Variants in FBXO11 observed in about 807,000 individuals in gnomAD.
The protein encoded by FBXO11 is F-box only protein 11.
Under a neutral mutation model 117.0 loss-of-function variants are expected in FBXO11, and 13 were observed. The observed-to-expected ratio is 0.11, with a 90% confidence interval of 0.07 to 0.18. The LOEUF is 0.18. FBXO11 is among the 10% of genes least tolerant of loss of function. The pLI is 1.00. For missense variants in FBXO11, 767 were observed against 1,164.4 expected (o/e 0.66, Z 4.97); for synonymous variants, 490 against 380.5 (o/e 1.29, Z -3.35).
Position 47,812,505 on chromosome 2 carries a change from G to C in FBXO11, c.2227+729C>G, listed in dbSNP as rs1199761198. ...ATTTTGTGAAAACTATCTGAGATAC[G>C]TCACTTTACTGAATTACTAGATTAT... is the stretch of plus-strand genomic sequence containing the variant. On this transcript the variant is annotated intron_variant, in intron 18 of 22. Coordinates refer to ENST00000403359, the MANE Select transcript of FBXO11 (RefSeq NM_001190274.2). Among the ~76,000 whole-genome samples, 3 of 152,192 alleles carry C rather than the reference G, an allele frequency of 2.0e-5. No homozygotes were observed. In the East Asian group the frequency reaches 5.8e-4, roughly 29 times the overall value.
In FBXO11 at chr2:47,901,135, A is replaced by G. The variant is rs1252199331; in HGVS notation, c.232+4354T>C. ...TATGTACACACGTGTGTACATGTAT[A>G]TATATACACACGTGTGTACATATAT... On this transcript the variant is annotated intron_variant, in intron 1 of 22. Coordinates refer to ENST00000403359, the MANE Select transcript of FBXO11 (RefSeq NM_001190274.2). Among the ~76,000 whole-genome samples the G allele has an allele frequency of 6.9e-4, 76 of 110,926 alleles. 1 individual carries two copies. The highest frequency in any genetic ancestry group is 1.2e-3 in the Non-Finnish European group (57 of 45,934). The allele number at this position is 110,926 out of a possible 152,430, so 72.8% of individuals were successfully genotyped here.
chr2:47,813,880 T>C lies in FBXO11; in HGVS notation c.2007-13A>G, dbSNP rs768422185. On this transcript the variant is annotated splice_polypyrimidine_tract_variant and intron_variant, in intron 16 of 22. Coordinates refer to ENST00000403359, the MANE Select transcript of FBXO11 (RefSeq NM_001190274.2). ...GTTGCTTCCAGTCCTGTAAACAGAATAGACAATAATACCATTTCAATAGCT... is the reference window on the plus strand; with the variant it reads ...GTTGCTTCCAGTCCTGTAAACAGAACAGACAATAATACCATTTCAATAGCT... 6.3e-6 allele frequency: 10 copies of C among 1,585,636 alleles called. No individual in the cohort carries two copies. The Admixed American group carries it at 8.3e-5, about 13-fold the overall frequency.
At chr2:47,837,928 T>C (rs1193214581) in intron 4 of FBXO11, among the ~76,000 whole-genome samples, 2 of 151,844 alleles carry the variant, frequency 1.3e-5, no homozygotes, top group African/African-American at 2.4e-5. Context: ...ATTTTTTTCA[T>C]CTTATTAAAA....
At chr2:47,860,519 T>C (rs1674680013) in intron 1 of FBXO11, among the ~76,000 whole-genome samples, 1 of 151,454 alleles carries the variant, frequency 6.6e-6, no homozygotes, top group South Asian at 2.1e-4. Context: ...CAAGCAATTC[T>C]CCTGCCTTAG....
chr2:47,809,074 A>G, intron 21 of FBXO11, 84 bp downstream of exon 21: 1 of 829,766 alleles, frequency 1.2e-6, no homozygotes. Flanking sequence ...AACACCGGCA[A>G]ATAGCCAAAA....
At chr2:47,818,710 A>C (rs1291950901) in intron 16 of FBXO11, 69 bp downstream of exon 16, 1 of 1,059,524 alleles carries the variant, frequency 9.4e-7, no homozygotes, top group African/African-American at 1.6e-5. Context: ...ACAATAAGCA[A>C]ATTTCTTTTA....
chr2:47,883,506 G>T, intron 1 of FBXO11: 1 of 408,356 alleles, frequency 2.4e-6, no homozygotes. Context: ...CCTCCAGATT[G>T]AACCCTTGGA....
chr2:47,895,379 T>C (rs1189785156), intron 1 of FBXO11, among the ~76,000 whole-genome samples: 2 of 152,058 alleles, frequency 1.3e-5, no homozygotes, highest in South Asian at 2.1e-4. Context: ...ACAACAAATA[T>C]TAAGGGAGAA....
chr2:47,858,265 C>G (rs1674468052), intron 1 of FBXO11, among the ~76,000 whole-genome samples: 1 of 152,042 alleles, frequency 6.6e-6, no homozygotes, highest in Admixed American at 6.5e-5. Context: ...CCACCTCGGC[C>G]TCCCAAAGTG....
At chr2:47,891,627 A>G (rs1354334014) in intron 1 of FBXO11, among the ~76,000 whole-genome samples, 1 of 152,184 alleles carries the variant, frequency 6.6e-6, no homozygotes, top group African/African-American at 2.4e-5. Context: ...TTTCTTTTGA[A>G]TAAATACTTG....
chr2:47,878,519 G>A (rs1481308059), intron 1 of FBXO11, among the ~76,000 whole-genome samples: 3 of 151,940 alleles, frequency 2.0e-5, no homozygotes, highest in Admixed American at 2.0e-4. Flanking sequence ...ACTATGCCGG[G>A]CTAATTTTTG....
At chr2:47,835,775 G>T (rs1572812824) in intron 5 of FBXO11, 97 bp downstream of exon 5, 2 of 925,224 alleles carry the variant, frequency 2.2e-6, no homozygotes, top group East Asian at 3.2e-5. Flanking sequence ...TGGGATTACA[G>T]GTGTGAGCCA....
At chr2:47,858,590 G>A (rs746090985) in intron 1 of FBXO11, among the ~76,000 whole-genome samples, 6 of 147,206 alleles carry the variant, frequency 4.1e-5, no homozygotes, top group Non-Finnish European at 7.4e-5. Flanking sequence ...GCTGAGGCAG[G>A]AGAATCCCCT....
At chr2:47,817,395 T>C (rs1671079728) in intron 16 of FBXO11, among the ~76,000 whole-genome samples, 1 of 152,206 alleles carries the variant, frequency 6.6e-6, no homozygotes. Context: ...TTTGTTATTA[T>C]TTTATTTTGC....
At chr2:47,845,947 T>C (rs1325894236) in intron 1 of FBXO11, among the ~76,000 whole-genome samples, 2 of 151,288 alleles carry the variant, frequency 1.3e-5, no homozygotes, top group African/African-American at 4.9e-5. Flanking sequence ...AATCCACAAA[T>C]GCATTTACAT....
intron 1 of FBXO11, among the ~76,000 whole-genome samples, chr2:47,876,201 CT>C (rs1675993999): frequency 7.6e-6 from 1 of 131,224 alleles, no homozygotes; most frequent in Admixed American, 7.3e-5. Context: ...TTTTGTGCTA[CT>C]TTTTGGGAAC....
chr2:47,835,511 T>G (rs77024782), intron 5 of FBXO11, among the ~76,000 whole-genome samples: 2 of 152,118 alleles, frequency 1.3e-5, no homozygotes, highest in Non-Finnish European at 2.9e-5. Flanking sequence ...TTTTTTTTTT[T>G]CCCTGAGACA....
intron 1 of FBXO11, among the ~76,000 whole-genome samples, chr2:47,848,604 T>G (rs1355993777): frequency 1.3e-5 from 2 of 152,242 alleles, no homozygotes; most frequent in Non-Finnish European, 2.9e-5. Flanking sequence ...TATCAAAATT[T>G]ATTTTATAAT....
chr2:47,875,403 T>C (rs573926690), intron 1 of FBXO11, among the ~76,000 whole-genome samples: 1 of 152,094 alleles, frequency 6.6e-6, no homozygotes, highest in Non-Finnish European at 1.5e-5. Context: ...TGAAGTAGGA[T>C]GTAGTATTTG....
Sources: gnomAD v4.1 joint callset for allele counts (sites outside exome capture counted in the v4.1 genomes callset) on GRCh38, gnomAD v4.1.1 for gene constraint, MANE v1.5 for transcripts, NCBI Gene and HGNC (gene_info 2026-07-23, HGNC 2026-07-21) for gene names.